Variants in TNNT3 observed in about 807,000 individuals in gnomAD.
TNNT3 encodes troponin T3, fast skeletal type.
Under a neutral mutation model 54.2 loss-of-function variants are expected in TNNT3, and 36 were observed. The observed-to-expected ratio is 0.66, with a 90% CI of 0.51 to 0.88. The LOEUF is 0.88. Among genes scored for constraint, TNNT3 ranks in the 40% least tolerant of loss-of-function variants. TNNT3 has a pLI of 0.00. For synonymous variants in TNNT3, 120 were observed against 109.7 expected, an observed-to-expected ratio of 1.09 and a Z score of -0.59; for missense variants, 291 against 331.6, an observed-to-expected ratio of 0.88 and a Z score of 0.95.
At chr11:1,938,313 C>A in intron 15 of TNNT3, 125 bp from the exon 16 acceptor site, 1 of 1,070,344 alleles carries the variant, frequency 9.3e-7, no homozygotes, top group Non-Finnish European at 1.4e-6. Context: ...GGGCCGCAAG[C>A]TTGGGCCGGG....
intron 2 of TNNT3, 48 bp downstream of exon 2, chr11:1,922,939 C>G (rs750733563): frequency 6.2e-7 from 1 of 1,613,752 alleles, no homozygotes; most frequent in Non-Finnish European, 8.5e-7. Context: ...GGGACCCTGG[C>G]CCCTTGGCTT....
At chr11:1,922,255 A>G (rs1850280512) in intron 1 of TNNT3, among the ~76,000 whole-genome samples, 2 of 152,004 alleles carry the variant, frequency 1.3e-5, no homozygotes, top group Non-Finnish European at 2.9e-5. Flanking sequence ...GGTGGGACAC[A>G]CTCTGGGCAC....
intron 1 of TNNT3, among the ~76,000 whole-genome samples, chr11:1,920,837 C>T (rs1849936902): frequency 1.3e-5 from 2 of 152,136 alleles, no homozygotes; most frequent in South Asian, 4.1e-4. Flanking sequence ...CCCAGCACAC[C>T]CCTGCCACCA....
chr11:1,934,937 C>T lies in TNNT3; in HGVS notation c.681+18C>T, dbSNP rs368442844. The T allele has an allele frequency of 6.2e-6, 10 of 1,611,592 alleles. No individual in the cohort carries two copies. Among genetic ancestry groups the T allele is most frequent in the Middle Eastern group, 3.3e-4 (2 of 6,082 alleles). ...AATATGACGTGAGTCCCGGCACCTC[C>T]GGCCCTGGGGCCCTAGCGGCTTTCA... On this transcript the variant is annotated intron_variant, in intron 14 of 15. Coordinates refer to ENST00000278317, the MANE Select transcript of TNNT3 (RefSeq NM_006757.4).
rs905667043 is a variant in TNNT3, at chr11:1,920,559, A to G, written c.-19+797A>G. 6.3e-5 allele frequency among the ~76,000 whole-genome samples: 8 copies of G among 127,256 alleles called. No individual in the cohort carries two copies. The South Asian group carries it at 2.0e-3, about 32-fold the overall frequency. The allele number at this position is 127,256 out of a possible 152,430, so 83.5% of individuals were successfully genotyped here. On this transcript the variant is annotated intron_variant, in intron 1 of 15. Coordinates refer to ENST00000278317, the MANE Select transcript of TNNT3 (RefSeq NM_006757.4). ...TGCCCCTCCTGAAGTCCACGGAGGG[A>G]CATGGGGCAAAGCAAAGGTTGGCTG...
rs762149560 is a variant in TNNT3 at position 1,936,950 on chromosome 11, A to G, written c.682-13A>G. 1.9e-6 allele frequency: 3 copies of G among 1,604,434 alleles called. No homozygotes were observed. Among genetic ancestry groups the G allele is most frequent in the East Asian group, 2.2e-5 (1 of 44,536 alleles). On this transcript the variant is annotated splice_polypyrimidine_tract_variant and intron_variant, in intron 14 of 15. Transcript: ENST00000278317. ...CTCGGGTCGTCGCAGTGAGTCACTC[A>G]TGTTGTTCACAGATCACCACGCTCA...
chr11:1,927,410 C>G (rs1360613521), intron 6 of TNNT3, among the ~76,000 whole-genome samples: 1 of 152,204 alleles, frequency 6.6e-6, no homozygotes, highest in Non-Finnish European at 1.5e-5. Flanking sequence ...GGGGCCCCAG[C>G]TGGGGAGTGC....
At chr11:1,926,436 G>A in intron 5 of TNNT3, 2 of 1,613,128 alleles carry the variant, frequency 1.2e-6, no homozygotes, top group South Asian at 2.2e-5. Context: ...CCGCGGTTTT[G>A]CCTCTTGTTC....
At chr11:1,937,313 C>T (rs1210691092) in intron 15 of TNNT3, among the ~76,000 whole-genome samples, 2 of 152,118 alleles carry the variant, frequency 1.3e-5, no homozygotes, top group Non-Finnish European at 2.9e-5. Flanking sequence ...CCAGGGGACC[C>T]CTAGAAGGGG....
chr11:1,921,253 C>G (rs879387913), intron 1 of TNNT3: 2 of 152,388 alleles, frequency 1.3e-5, no homozygotes, highest in South Asian at 4.1e-4. Flanking sequence ...CACGCTGCCC[C>G]CATCTTGTGG....
intron 6 of TNNT3, 60 bp downstream of exon 6, chr11:1,926,769 T>A: frequency 6.2e-7 from 1 of 1,608,034 alleles, no homozygotes; most frequent in Non-Finnish European, 8.5e-7. Context: ...TGTCCTCTCT[T>A]GCTTCCTCCC....
intron 1 of TNNT3, among the ~76,000 whole-genome samples, chr11:1,922,456 G>A (rs1311907951): frequency 2.6e-5 from 4 of 152,154 alleles, no homozygotes; most frequent in East Asian, 1.9e-4. Flanking sequence ...CTCCATCAGC[G>A]GGACCTTTCC....
intron 8 of TNNT3, among the ~76,000 whole-genome samples, chr11:1,931,741 T>TAACGTTTTTTTTTTC (rs1853433716): frequency 2.4e-4 from 34 of 141,120 alleles, no homozygotes; most frequent in African/African-American, 7.9e-4. Flanking sequence ...TTTTTTCACA[T>TAACGTTTTTTTTTTC]ACATACGTTT....
intron 5 of TNNT3, chr11:1,926,413 A>G (rs1851597717): frequency 3.7e-6 from 6 of 1,611,434 alleles, no homozygotes; most frequent in South Asian, 2.2e-5. Context: ...ACGCTTCTCC[A>G]TTGACCTCTG....
At position 1,920,364 on chromosome 11, in the gene TNNT3, G is replaced by A. The variant is rs1849816376; in HGVS notation, c.-19+602G>A. Among the ~76,000 whole-genome samples the A allele has an allele frequency of 3.3e-5, 5 of 152,298 alleles. 1 individual carries two copies. In the South Asian group the frequency reaches 1.0e-3, roughly 32 times the overall value. ...GGCCAGCGTCTGGAGGTGCAGGACAGAAGTGGACAGGGGCTGGACTGGGGC... is the reference window on the plus strand; with the variant it reads ...GGCCAGCGTCTGGAGGTGCAGGACAAAAGTGGACAGGGGCTGGACTGGGGC... On this transcript the variant is annotated intron_variant, in intron 1 of 15. Coordinates refer to ENST00000278317, the MANE Select transcript of TNNT3 (RefSeq NM_006757.4).
chr11:1,936,263 C>A, intron 14 of TNNT3: 2 of 1,613,736 alleles, frequency 1.2e-6, no homozygotes, highest in Non-Finnish European at 1.7e-6. Context: ...TTGTAAGTAG[C>A]CGGGTCCGCC....
intron 14 of TNNT3, chr11:1,936,316 C>T (rs1223358836): frequency 6.3e-7 from 1 of 1,579,434 alleles, no homozygotes; most frequent in African/African-American, 1.3e-5. Context: ...TGAGGTGAAC[C>T]TCTCGCATGG....
At chr11:1,926,319 C>T (rs2133309333) in intron 5 of TNNT3, 2 of 987,046 alleles carry the variant, frequency 2.0e-6, no homozygotes, top group South Asian at 2.6e-5. Context: ...CGCGCCTGGG[C>T]TAACTCTGAC....
At position 1,933,919 on chromosome 11, in the gene TNNT3, C is replaced by G; in HGVS notation, c.289-12C>G. Reference sequence around the variant, plus strand: ...GGGACAGGGCTGAGCAGACCCCCTTCTCTGGCTGCAGGAGAAGCGCCGTGC... The same window carrying G: ...GGGACAGGGCTGAGCAGACCCCCTTGTCTGGCTGCAGGAGAAGCGCCGTGC... On this transcript the variant is annotated splice_polypyrimidine_tract_variant and intron_variant, in intron 10 of 15. Coordinates refer to ENST00000278317, the MANE Select transcript of TNNT3 (RefSeq NM_006757.4). 6.2e-7 allele frequency: 1 copy of G among 1,612,840 alleles called. No homozygotes were observed. Among genetic ancestry groups the G allele is most frequent in the Non-Finnish European group, 8.5e-7 (1 of 1,180,010 alleles).
Sources: allele counts gnomAD v4.1 joint callset (sites outside exome capture counted in the v4.1 genomes callset), GRCh38; gene constraint gnomAD v4.1.1; transcripts MANE v1.5; gene names NCBI Gene and HGNC (gene_info 2026-07-23, HGNC 2026-07-21).